CTNNA3: variants seen among roughly 807,000 people sequenced by gnomAD.
CTNNA3 encodes catenin alpha-3.
CTNNA3 carries 76 observed loss-of-function variants against 95.7 expected under a neutral mutation model. That is an observed-to-expected ratio of 0.79 (90% CI 0.66 to 0.96). CTNNA3 has a LOEUF of 0.96. Ranked by LOEUF, CTNNA3 falls within the 40% of genes least tolerant of loss-of-function variation. The probability of loss-of-function intolerance (pLI) is 0.00; values close to 1 mark genes in which losing one functional copy is unlikely to be tolerated. For synonymous variants in CTNNA3, 431 were observed against 374.4 expected (o/e 1.15, Z -1.74); for missense variants, 1,191 against 1,089.8 (o/e 1.09, Z -1.31).
intron 17 of CTNNA3, among the ~76,000 whole-genome samples, chr10:65,938,925 C>T (rs1022888663): frequency 2.0e-5 from 3 of 151,048 alleles, no homozygotes; most frequent in East Asian, 2.0e-4. Context: ...TCTTTTTAGA[C>T]GGAGTCTCGC....
At chr10:67,314,703 A>G (rs74577253) in intron 5 of CTNNA3, among the ~76,000 whole-genome samples, 6 of 152,222 alleles carry the variant, frequency 3.9e-5, no homozygotes, top group African/African-American at 1.4e-4. Flanking sequence ...ATTATTATCA[A>G]AGGAAGACAT....
chr10:67,063,584 A>C (rs941387698), intron 7 of CTNNA3, among the ~76,000 whole-genome samples: 1 of 152,174 alleles, frequency 6.6e-6, no homozygotes, highest in Non-Finnish European at 1.5e-5. Context: ...AAAGGTTGGG[A>C]CCAGTGAATA....
intron 7 of CTNNA3, among the ~76,000 whole-genome samples, chr10:66,957,715 T>C (rs1027851918): frequency 6.6e-6 from 1 of 151,674 alleles, no homozygotes; most frequent in Admixed American, 6.6e-5. Context: ...TGGTGAAACA[T>C]GGGGACAGCA....
chr10:66,768,891 A>C lies in CTNNA3; in HGVS notation c.1129-2475T>G, dbSNP rs564759301. Among the ~76,000 whole-genome samples the C allele has an allele frequency of 2.0e-5, 3 of 152,314 alleles. No individual in the cohort carries two copies. The East Asian group carries it at 5.8e-4, about 29-fold the overall frequency. ...TAAGAGGTTATTGATAAACTTGGTA[A>C]GAGCAGTTTCAGTGGAAAAGTGGGC... On this transcript the variant is annotated intron_variant, in intron 8 of 17. Transcript: ENST00000433211.
chr10:66,885,193 G>A (rs1487163739), intron 7 of CTNNA3, among the ~76,000 whole-genome samples: 1 of 152,108 alleles, frequency 6.6e-6, no homozygotes, highest in African/African-American at 2.4e-5. Flanking sequence ...TTGCAGCAAA[G>A]CTTGTTTCTG....
chr10:67,534,708 C>T (rs189502428), intron 4 of CTNNA3, among the ~76,000 whole-genome samples: 1 of 152,224 alleles, frequency 6.6e-6, no homozygotes, highest in African/African-American at 2.4e-5. Flanking sequence ...AAAAGGCCAA[C>T]TCCAGATTCT....
rs571604773 is a variant in CTNNA3, at chr10:66,621,362, G to A, written c.1374+330C>T. The stretch of plus-strand genomic sequence containing the variant: ...ATTTTGGCTGGGCACGGTGGCTCAC[G>A]CCTGTAATCCCAACAGTTTGGGAGG... On this transcript the variant is annotated intron_variant, in intron 10 of 17. Coordinates refer to ENST00000433211, the MANE Select transcript of CTNNA3 (RefSeq NM_013266.4). Among the ~76,000 whole-genome samples, 197 of 151,996 alleles carry A rather than the reference G, an allele frequency of 1.3e-3. 1 individual carries two copies. Among genetic ancestry groups the A allele is most frequent in the African/African-American group, 4.7e-3 (193 of 41,458 alleles).
chr10:66,539,697 G>A (rs1435126221), intron 10 of CTNNA3, among the ~76,000 whole-genome samples: 1 of 152,078 alleles, frequency 6.6e-6, no homozygotes, highest in East Asian at 1.9e-4. Context: ...AGAGGGTGTG[G>A]CAGGACAGGC....
At chr10:67,711,062 T>C (rs918839321) in intron 1 of CTNNA3, among the ~76,000 whole-genome samples, 23 of 152,222 alleles carry the variant, frequency 1.5e-4, no homozygotes, top group Non-Finnish European at 2.5e-4. Flanking sequence ...TCTTTTCTCT[T>C]GTCTGCCACC....
chr10:67,156,895 C>T (rs1347355156), intron 7 of CTNNA3, among the ~76,000 whole-genome samples: 1 of 84,026 alleles, frequency 1.2e-5, no homozygotes, highest in African/African-American at 7.5e-5. Context: ...GTAAAATATC[C>T]TACTGTTATA....
chr10:66,154,294 A>G lies in CTNNA3; in HGVS notation c.1885-51045T>C, dbSNP rs112956614. Among the ~76,000 whole-genome samples, 1,267 of 151,872 alleles carry G rather than the reference A, an allele frequency of 8.3e-3. 30 individuals are homozygous for G. Among genetic ancestry groups the G allele is most frequent in the African/African-American group, 0.028 (1,178 of 41,460 alleles). On this transcript the variant is annotated intron_variant, in intron 13 of 17. Transcript: ENST00000433211. ...TCCTGACTCTCAGGTCTCCTTATCA[A>G]GGATATTAGTCTACTGTAGACTTAA...
chr10:66,814,179 T>C (rs1841989083), intron 7 of CTNNA3, among the ~76,000 whole-genome samples: 2 of 150,562 alleles, frequency 1.3e-5, no homozygotes. Flanking sequence ...TATAGAAACG[T>C]CAGAGGCAGT....
intron 1 of CTNNA3, among the ~76,000 whole-genome samples, chr10:67,708,373 C>T (rs1841089533): frequency 6.6e-6 from 1 of 152,146 alleles, no homozygotes; most frequent in South Asian, 2.1e-4. Context: ...ATCTCAATCC[C>T]TTGAATATAT....
At chr10:66,716,061 G>A (rs1395604083) in intron 9 of CTNNA3, among the ~76,000 whole-genome samples, 2 of 151,788 alleles carry the variant, frequency 1.3e-5, no homozygotes, top group Non-Finnish European at 2.9e-5. Context: ...ATTTAACATT[G>A]AGCATCCACT....
At chr10:66,095,418 T>A (rs1329513981) in intron 14 of CTNNA3, among the ~76,000 whole-genome samples, 2 of 152,116 alleles carry the variant, frequency 1.3e-5, no homozygotes, top group African/African-American at 4.8e-5. Context: ...ATTTTATCTA[T>A]ATTGATTAAA....
At chr10:66,270,258 G>C (rs1160119679) in intron 13 of CTNNA3, among the ~76,000 whole-genome samples, 1 of 151,762 alleles carries the variant, frequency 6.6e-6, no homozygotes, top group African/African-American at 2.4e-5. Flanking sequence ...TTGTCACCCA[G>C]GCTGCAGTGC....
intron 9 of CTNNA3, among the ~76,000 whole-genome samples, chr10:66,759,404 A>G (rs1361182188): frequency 6.6e-6 from 1 of 152,304 alleles, no homozygotes; most frequent in East Asian, 1.9e-4. Context: ...GTCTGTCTCC[A>G]TATTTCATAC....
intron 17 of CTNNA3, among the ~76,000 whole-genome samples, chr10:65,930,226 A>C (rs1054234949): frequency 5.9e-5 from 8 of 136,410 alleles, no homozygotes; most frequent in South Asian, 2.4e-4. Flanking sequence ...AAAAAAAAAA[A>C]CAGAAACTAC....
At chr10:66,520,965 C>G (rs986294296) in intron 10 of CTNNA3, among the ~76,000 whole-genome samples, 192 bp from the exon 11 acceptor site, 4 of 150,564 alleles carry the variant, frequency 2.7e-5, no homozygotes, top group Non-Finnish European at 5.9e-5. Context: ...AAATTATACT[C>G]ATTCATGTTA....
Sources: allele counts gnomAD v4.1 joint callset (sites outside exome capture counted in the v4.1 genomes callset), GRCh38; gene constraint gnomAD v4.1.1; transcripts MANE v1.5; gene names NCBI Gene and HGNC (gene_info 2026-07-23, HGNC 2026-07-21).